CDC25A: variants seen among roughly 807,000 people sequenced by gnomAD.
CDC25A encodes cell division cycle 25A.
A neutral mutation model predicts 64.6 loss-of-function variants in CDC25A; 17 were observed. The ratio of observed to expected loss-of-function variants is 0.26; its 90% CI spans 0.18 to 0.39. The LOEUF (loss-of-function observed/expected upper bound fraction) is 0.39. Among genes scored for constraint, CDC25A ranks in the 10% least tolerant of loss-of-function variants. The probability of loss-of-function intolerance (pLI) is 1.00; values close to 1 mark genes in which losing one functional copy is unlikely to be tolerated. For missense variants in CDC25A, 473 were observed against 654.8 expected, an observed-to-expected ratio of 0.72 and a Z score of 3.03; for synonymous variants, 229 against 238.6, an observed-to-expected ratio of 0.96 and a Z score of 0.37.
chr3:48,183,214 T>G (rs2032728230), intron 4 of CDC25A, among the ~76,000 whole-genome samples, 184 bp from the exon 5 acceptor site: 1 of 152,134 alleles, frequency 6.6e-6, no homozygotes, highest in African/African-American at 2.4e-5. Flanking sequence ...GGACACAGCA[T>G]AGAAGTTTCC....
Position 48,177,841 on chromosome 3 carries a change from A to T in CDC25A, c.684+13T>A. ...GTAGAACAAATAGGAACACACACAC[A>T]CACACACGGTACCTTCAGATTCTCT... On this transcript the variant is annotated intron_variant, in intron 7 of 14. Coordinates refer to ENST00000302506, the MANE Select transcript of CDC25A (RefSeq NM_001789.3). 1 of 1,613,908 alleles carries T rather than the reference A, an allele frequency of 6.2e-7. No homozygotes were observed. The highest frequency in any genetic ancestry group is 2.2e-5 in the East Asian group (1 of 44,874).
chr3:48,173,332 A>G (rs970273346), intron 9 of CDC25A, among the ~76,000 whole-genome samples: 2 of 152,226 alleles, frequency 1.3e-5, no homozygotes, highest in Non-Finnish European at 2.9e-5. Flanking sequence ...TTCAGGTCAA[A>G]AGTTATGAGA....
At chr3:48,179,692 A>G (rs1037121900) in intron 6 of CDC25A, among the ~76,000 whole-genome samples, 1 of 152,116 alleles carries the variant, frequency 6.6e-6, no homozygotes, top group Non-Finnish European at 1.5e-5. Context: ...CTGGTTTCCT[A>G]CTTATGTATA....
intron 9 of CDC25A, among the ~76,000 whole-genome samples, 191 bp downstream of exon 9, chr3:48,174,093 G>T (rs111963346): frequency 6.6e-6 from 1 of 151,982 alleles, no homozygotes; most frequent in African/African-American, 2.4e-5. Flanking sequence ...TAGGAGTTCA[G>T]GACCAGCGTG....
chr3:48,176,982 A>C (rs960166801), intron 8 of CDC25A, among the ~76,000 whole-genome samples: 4 of 152,106 alleles, frequency 2.6e-5, no homozygotes, highest in African/African-American at 7.2e-5. Context: ...AAAAAAAAAA[A>C]CAAAAAACAC....
intron 3 of CDC25A, 132 bp from the exon 4 acceptor site, chr3:48,183,968 G>A (rs570839607): frequency 1.8e-6 from 1 of 550,220 alleles, no homozygotes; most frequent in South Asian, 2.9e-5. Flanking sequence ...AGAGATGGGA[G>A]AATAAATTTC....
At chr3:48,176,530 A>AGT (rs1273398263) in intron 8 of CDC25A, among the ~76,000 whole-genome samples, 1 of 35,278 alleles carries the variant, frequency 2.8e-5, no homozygotes, top group Non-Finnish European at 6.4e-5. Flanking sequence ...TGTGTGTGTG[A>AGT]GTATATATAT....
At chr3:48,165,107 C>A (rs1435048641) in intron 12 of CDC25A, among the ~76,000 whole-genome samples, 762 of 84,856 alleles carry the variant, frequency 9.0e-3, no homozygotes, top group African/African-American at 0.012. Flanking sequence ...GACTCTGTCT[C>A]AAAAAAAAAA....
chr3:48,176,557 A>G (rs2032468665), intron 8 of CDC25A, among the ~76,000 whole-genome samples: 1 of 145,966 alleles, frequency 6.9e-6, no homozygotes, highest in South Asian at 2.1e-4. Flanking sequence ...ATATATATAT[A>G]TAAAATATAT....
Position 48,177,418 on chromosome 3 carries a change from T to G in CDC25A, c.709A>C (p.Met237Leu). 6.2e-7 allele frequency: 1 copy of G among 1,613,988 alleles called. No homozygotes were observed. The highest frequency in any genetic ancestry group is 8.5e-7 in the Non-Finnish European group (1 of 1,179,862). Residue 237 changes from methionine (M) to leucine (L), a missense_variant, in exon 8 of 15, where the codon ATG (methionine) becomes CTG (leucine). This residue lies in a region of CDC25A where 376 missense variants were observed against 431.9 expected (regional missense o/e 0.87). Coordinates refer to ENST00000302506, the MANE Select transcript of CDC25A (RefSeq NM_001789.3). ...AGAGGAGCTGTCCAGAGGCTTGCCA[T>G]GCACGAGGGGGTCTCCTCCTCATTC... ...LKNEEETPSC[M>L]ASLWTAPLVM...
intron 3 of CDC25A, 62 bp from the exon 4 acceptor site, chr3:48,183,898 CAG>C (rs1353999473): frequency 1.7e-5 from 18 of 1,059,184 alleles, no homozygotes; most frequent in Admixed American, 7.0e-5. Context: ...TTCATATTAG[CAG>C]AGAGATAGTG....
intron 13 of CDC25A, among the ~76,000 whole-genome samples, chr3:48,163,557 T>C (rs928707375): frequency 6.6e-6 from 1 of 152,094 alleles, no homozygotes; most frequent in Non-Finnish European, 1.5e-5. Flanking sequence ...TGAGAAGAGA[T>C]TGTGCCACTG....
In CDC25A at chr3:48,159,385, C is replaced by T; in HGVS notation, c.1393G>A (p.Val465Ile). The T allele has an allele frequency of 6.2e-7, 1 of 1,613,864 alleles. No homozygotes were observed. The highest frequency in any genetic ancestry group is 1.6e-4 in the Middle Eastern group (1 of 6,062). The change falls in exon 14 of 15, where the codon GTC becomes ATC. Residue 465 changes from valine (V) to isoleucine (I), a missense_variant. Physicochemically the swap from Val to Ile is conservative, Grantham distance 29. This residue lies in a region of CDC25A where 97 missense variants were observed against 223.0 expected (regional missense o/e 0.43). Coordinates refer to ENST00000302506, the MANE Select transcript of CDC25A (RefSeq NM_001789.3). ...AACTCCTTGTATCCCCCCTTCAGGA[C>T]ATACAGCTCAGGGTAGTGGAGTTTG... ...YPKLHYPELY[V>I]LKGGYKEFFM...
intron 9 of CDC25A, among the ~76,000 whole-genome samples, chr3:48,171,974 A>G (rs1280157408): frequency 2.6e-5 from 4 of 152,032 alleles, no homozygotes; most frequent in Non-Finnish European, 4.4e-5. Flanking sequence ...TGGGCAACAC[A>G]GTAAGACCTC....
intron 4 of CDC25A, among the ~76,000 whole-genome samples, chr3:48,183,265 C>A (rs890621617): frequency 2.0e-5 from 3 of 152,068 alleles, no homozygotes; most frequent in Non-Finnish European, 4.4e-5. Flanking sequence ...GTCTACAGTG[C>A]CCCCCTCAAC....
At position 48,188,350 on chromosome 3, in the gene CDC25A, A is replaced by C. The variant is rs1268342874; in HGVS notation, c.-403T>G. The C allele has an allele frequency of 6.1e-6, 1 of 165,032 alleles. No individual in the cohort carries two copies. Among genetic ancestry groups the C allele is most frequent in the Non-Finnish European group, 1.3e-5 (1 of 77,112 alleles). The allele number at this position is 165,032 out of a possible 1,614,324, so 10.2% of individuals were successfully genotyped here. A position where few individuals can be genotyped will look rare whatever the true frequency, so the allele number is the denominator to read the frequency against. On this transcript the variant is annotated 5_prime_UTR_variant, in exon 1 of 15. Transcript: ENST00000302506. ...CCCAGCTCCGGGTAGCAGAAAACCA[A>C]GCCGACCTACACCTCTTACCCAGGC...
At chr3:48,165,776 G>T (rs1168392084) in intron 11 of CDC25A, 42 bp from the exon 12 acceptor site, 1 of 1,594,686 alleles carries the variant, frequency 6.3e-7, no homozygotes, top group Non-Finnish European at 8.6e-7. Context: ...TGACCGTCAG[G>T]GAAAACTAGA....
intron 10 of CDC25A, among the ~76,000 whole-genome samples, chr3:48,166,438 G>A (rs1226373030): frequency 6.6e-6 from 1 of 152,218 alleles, no homozygotes; most frequent in East Asian, 1.9e-4. Context: ...TACCTAGCTA[G>A]TAAGGCAGAT....
intron 6 of CDC25A, among the ~76,000 whole-genome samples, chr3:48,178,417 C>T (rs1480984283): frequency 7.0e-6 from 1 of 142,296 alleles, no homozygotes; most frequent in Non-Finnish European, 1.6e-5. Context: ...ATATATAACT[C>T]CAGTTCTGAC....
Sources: gnomAD v4.1 joint callset for allele counts (sites outside exome capture counted in the v4.1 genomes callset) on GRCh38, gnomAD v4.1.1 for gene constraint, gnomAD v4.1.1 regional missense constraint, MANE v1.5 for transcripts, NCBI Gene and HGNC (gene_info 2026-07-23, HGNC 2026-07-21) for gene names.